HSPD1: variants seen among roughly 807,000 people sequenced by gnomAD.
HSPD1 encodes 60 kDa heat shock protein, mitochondrial.
Under a neutral mutation model 53.0 loss-of-function variants are expected in HSPD1, and 3 were observed. The ratio of observed to expected loss-of-function variants is 0.06; its 90% CI spans 0.03 to 0.15. HSPD1 has a LOEUF of 0.15. HSPD1 is among the 10% of genes least tolerant of loss of function. The pLI is 1.00. For missense variants in HSPD1, 431 were observed against 694.1 expected (o/e 0.62, Z 4.26); for synonymous variants, 200 against 228.0 (o/e 0.88, Z 1.10).
Position 197,488,348 on chromosome 2 carries a change from T to C in HSPD1, c.1359A>G (p.Ser453=), listed in dbSNP as rs913120913. Residue 453 remains serine (S), a synonymous_variant, in exon 10 of 12, where the codon TCA becomes TCG. Transcript: ENST00000388968. ...ALLRCIPALD[S]LTPANEDQKI... is the part of the protein sequence containing the mutation. ...TTTGATCTTCATTAGCTGGAGTCAA[T>C]GAGTCCAAGGCTGGAATGCATCGAA... The C allele has an allele frequency of 3.1e-6, 5 of 1,613,840 alleles. No individual in the cohort carries two copies. In the African/African-American group the frequency reaches 6.7e-5, roughly 22 times the overall value.
At position 197,487,771 on chromosome 2, in the gene HSPD1, T is replaced by A. The variant is rs1173270065; in HGVS notation, c.1569+87A>T. ...TGCTACTGCTATTAGACTATTTTTC[T>A]GGTGACAAAATCAAAGATTTGGGAT... On this transcript the variant is annotated intron_variant, in intron 11 of 11. Transcript: ENST00000388968. The A allele has an allele frequency of 1.4e-5, 16 of 1,105,496 alleles. No individual in the cohort carries two copies. The East Asian group carries it at 3.8e-4, about 26-fold the overall frequency. The allele number at this position is 1,105,496 out of a possible 1,614,324, so 68.5% of individuals were successfully genotyped here. A position where few individuals can be genotyped will look rare whatever the true frequency, so the allele number is the denominator to read the frequency against.
Position 197,494,108 on chromosome 2 carries a change from G to C in HSPD1, c.700+49C>G, listed in dbSNP as rs760923010. The C allele has an allele frequency of 1.3e-5, 12 of 929,764 alleles. No individual in the cohort carries two copies. The South Asian group carries it at 1.5e-4, about 11-fold the overall frequency. 57.6% of individuals were successfully genotyped at this position (929,764 alleles called of 1,614,324 possible). A position where few individuals can be genotyped will look rare whatever the true frequency, so the allele number is the denominator to read the frequency against. ...CCGGGGCAACAGAGAATGAGACTCT[G>C]TCTAAAATAATAAAAATAATAATAA... On this transcript the variant is annotated intron_variant, in intron 6 of 11. Transcript: ENST00000388968.
intron 7 of HSPD1, among the ~76,000 whole-genome samples, chr2:197,492,546 G>A (rs2086106228): frequency 6.6e-6 from 1 of 151,776 alleles, no homozygotes; most frequent in Non-Finnish European, 1.5e-5. Context: ...ATAATATTCT[G>A]AAAATTTACA....
intron 7 of HSPD1, 43 bp downstream of exon 7, chr2:197,493,281 T>C: frequency 6.5e-7 from 1 of 1,541,036 alleles, no homozygotes; most frequent in Non-Finnish European, 9.0e-7. Context: ...TAATTCTGTC[T>C]TTCACCGAGA....
chr2:197,494,419 A>C, intron 5 of HSPD1, 169 bp from the exon 6 acceptor site: 1 of 638,790 alleles, frequency 1.6e-6, no homozygotes, highest in Non-Finnish European at 2.8e-6. Context: ...AAAAGTGCTT[A>C]TTTGAATAAT....
chr2:197,497,346 G>C lies in HSPD1; in HGVS notation c.221C>G (p.Thr74Arg). 1 of 1,613,424 alleles carries C rather than the reference G, an allele frequency of 6.2e-7. No homozygotes were observed. The highest frequency in any genetic ancestry group is 8.5e-7 in the Non-Finnish European group (1 of 1,179,412). The change falls in exon 3 of 12, where the codon ACA becomes AGA. Residue 74 changes from threonine to arginine, a missense_variant. Around this residue, in one of 2 missense-constraint regions of HSPD1, gnomAD observed 386 missense variants for 657.6 expected, o/e 0.59. Coordinates refer to ENST00000388968, the MANE Select transcript of HSPD1 (RefSeq NM_002156.5). ...IEQSWGSPKV[T>R]KDGVTVAKSI... The stretch of plus-strand genomic sequence containing the variant: ...CTTTGCAACAGTCACACCATCTTTT[G>C]TTACTTTGGGACTTCCCCAACTCTG...
chr2:197,494,594 A>G (rs956405836), intron 5 of HSPD1, 63 bp downstream of exon 5: 161 of 765,576 alleles, frequency 2.1e-4, no homozygotes, highest in Non-Finnish European at 3.0e-4. Context: ...TGATCATCAG[A>G]TAACTCAAAC....
chr2:197,498,393 C>A (rs998513550), intron 2 of HSPD1, among the ~76,000 whole-genome samples: 5 of 152,158 alleles, frequency 3.3e-5, no homozygotes, highest in Non-Finnish European at 2.9e-5. Flanking sequence ...CTTAAGCCAG[C>A]GAAATTCTAC....
chr2:197,499,454 G>C (rs182518247), intron 1 of HSPD1: 1 of 155,854 alleles, frequency 6.4e-6, no homozygotes, highest in East Asian at 1.9e-4. Context: ...GGGGAAAAAA[G>C]CGGTTCCCTC....
chr2:197,500,021 CT>C (rs2086226471), upstream of HSPD1: 1 of 182,580 alleles, frequency 5.5e-6, no homozygotes, highest in Admixed American at 5.8e-5. Context: ...TGCTAGCGCG[CT>C]CAGCCCTCTC....
intron 11 of HSPD1, among the ~76,000 whole-genome samples, chr2:197,487,507 T>G (rs1432111812): frequency 6.6e-6 from 1 of 152,192 alleles, no homozygotes; most frequent in Non-Finnish European, 1.5e-5. Flanking sequence ...CACTCCAGCC[T>G]GGGCGACACA....
Position 197,498,610 on chromosome 2 carries a change from C to T in HSPD1, c.174+65G>A, listed in dbSNP as rs2305559. The T allele has an allele frequency of 9.6e-3, 13,075 of 1,367,072 alleles. 152 individuals carry two copies. The highest frequency in any genetic ancestry group is 0.038 in the South Asian group (3,286 of 85,394). 84.7% of individuals were successfully genotyped at this position (1,367,072 alleles called of 1,614,324 possible). A position where few individuals can be genotyped will look rare whatever the true frequency, so the allele number is the denominator to read the frequency against. ...GAAAGTACTGTTGAATAGTTCAGTG[C>T]GACTATTTGTGAGTAAAATGCTATT... On this transcript the variant is annotated intron_variant, in intron 2 of 11. Transcript: ENST00000388968.
Position 197,490,204 on chromosome 2 carries a change from C to T in HSPD1, c.962G>A (p.Gly321Asp). 6.2e-7 allele frequency: 1 copy of T among 1,604,304 alleles called. No homozygotes were observed. The highest frequency in any genetic ancestry group is 8.5e-7 in the Non-Finnish European group (1 of 1,171,316). ...CACATTTATTTTACTTACTGCACCACCAGTAGCAATAGCCATATCTTTAAG... is the reference window on the plus strand; with the variant it reads ...CACATTTATTTTACTTACTGCACCATCAGTAGCAATAGCCATATCTTTAAG... ...NQLKDMAIAT[G>D]GAVFGEEGLT... The change falls in exon 8 of 12, where the codon GGT (glycine) becomes GAT (aspartate). Residue 321 changes from glycine (G) to aspartate (D), a missense_variant. Coordinates refer to ENST00000388968, the MANE Select transcript of HSPD1 (RefSeq NM_002156.5).
At position 197,494,061 on chromosome 2, in the gene HSPD1, A is replaced by G. The variant is rs2605041; in HGVS notation, c.700+96T>C. 33,886 of 684,588 alleles carry G rather than the reference A, an allele frequency of 0.049. 1,086 individuals carry two copies. The highest frequency in any genetic ancestry group is 0.058 in the Non-Finnish European group (21,828 of 376,516). The allele number at this position is 684,588 out of a possible 1,614,324, so 42.4% of individuals were successfully genotyped here. ...AGGTTGCAGTGAGCAACGCGCCACC[A>G]CATCATGCCACTGCACTCCAGCCGG... On this transcript the variant is annotated intron_variant, in intron 6 of 11. Transcript: ENST00000388968.
intron 7 of HSPD1, among the ~76,000 whole-genome samples, chr2:197,491,249 G>A (rs1239922616): frequency 4.7e-5 from 7 of 149,920 alleles, no homozygotes; most frequent in East Asian, 2.0e-4. Flanking sequence ...GTGCAGTGGC[G>A]AGATCTCGGC....
At chr2:197,494,974 G>T (rs1190672859) in intron 4 of HSPD1, 1 of 598,310 alleles carries the variant, frequency 1.7e-6, no homozygotes, top group South Asian at 2.1e-5. Context: ...AACTATTCTT[G>T]TAACAAAAAG....
chr2:197,496,398 T>G (rs2086157409), intron 3 of HSPD1, among the ~76,000 whole-genome samples: 1 of 152,184 alleles, frequency 6.6e-6, no homozygotes, highest in Non-Finnish European at 1.5e-5. Context: ...AATGATACAT[T>G]AGTAATGTAG....
chr2:197,500,150 G>A (rs1383159802), upstream of HSPD1: 17 of 538,198 alleles, frequency 3.2e-5, no homozygotes, highest in Non-Finnish European at 5.7e-5. Context: ...CGAAGGGGTA[G>A]TTCTTTCACC....
rs201604316 is a variant in HSPD1 at position 197,492,687 on chromosome 2, ACT to A, written c.869+635_869+636del. 2.6e-3 allele frequency among the ~76,000 whole-genome samples: 390 copies of A among 150,616 alleles called. 12 individuals are homozygous for A. In the East Asian group the frequency reaches 0.068, roughly 26 times the overall value. On this transcript the variant is annotated intron_variant, in intron 7 of 11. Transcript: ENST00000388968. The stretch of plus-strand genomic sequence containing the variant: ...CTGCACTCCAGCCTGGGTGACAGAG[ACT>A]CTGTCTCCAAAAATAAAAATAAAAA...
Sources: gnomAD v4.1 joint callset for allele counts (sites outside exome capture counted in the v4.1 genomes callset) on GRCh38, gnomAD v4.1.1 for gene constraint, gnomAD v4.1.1 regional missense constraint, MANE v1.5 for transcripts, NCBI Gene and HGNC (gene_info 2026-07-23, HGNC 2026-07-21) for gene names.